The following ATXN1 variants were observed in gnomAD, a reference collection of about 807,000 sequenced individuals.
The protein encoded by ATXN1 is ataxin 1, also known as ataxin-1.
Under a neutral mutation model 56.4 loss-of-function variants are expected in ATXN1, and 8 were observed. That is an observed-to-expected ratio of 0.14 (90% CI 0.08 to 0.26). The LOEUF (loss-of-function observed/expected upper bound fraction) is 0.26. ATXN1 is among the 10% of genes least tolerant of loss of function. ATXN1 has a pLI of 1.00. For missense variants in ATXN1, 987 were observed against 1,106.5 expected (o/e 0.89, Z 1.53); for synonymous variants, 514 against 494.6 (o/e 1.04, Z -0.52).
rs958059698 is a variant in ATXN1, at chr6:16,753,621, G to A, written c.-729-274C>T. Among the ~76,000 whole-genome samples the A allele has an allele frequency of 5.3e-5, 8 of 152,138 alleles. No homozygotes were observed. The South Asian group carries it at 1.0e-3, about 20-fold the overall frequency. ...GATGGTCTCCCCATTTGAGCCAGCC[G>A]CTGTCATTCTTTTCTCCAATGATTC... On this transcript the variant is annotated intron_variant, in intron 1 of 7. Transcript: ENST00000436367.
At chr6:16,662,249 G>A (rs559286506) in intron 2 of ATXN1, among the ~76,000 whole-genome samples, 1 of 152,266 alleles carries the variant, frequency 6.6e-6, no homozygotes, top group African/African-American at 2.4e-5. Context: ...AGGTGTGCAT[G>A]CCTGAAATTT....
chr6:16,672,468 G>A (rs542031004), intron 2 of ATXN1, among the ~76,000 whole-genome samples: 17 of 152,256 alleles, frequency 1.1e-4, no homozygotes, highest in African/African-American at 3.6e-4. Context: ...ACATACCCAC[G>A]TCCTAATCCC....
chr6:16,706,036 C>T (rs1759399238), intron 2 of ATXN1, among the ~76,000 whole-genome samples: 1 of 152,088 alleles, frequency 6.6e-6, no homozygotes, highest in South Asian at 2.1e-4. Context: ...GCCTGCCTCA[C>T]TATGGACCTA....
At chr6:16,470,335 G>GCA (rs1760192922) in intron 6 of ATXN1, among the ~76,000 whole-genome samples, 1 of 152,064 alleles carries the variant, frequency 6.6e-6, no homozygotes, top group East Asian at 1.9e-4. Context: ...GGAGGGTAGA[G>GCA]CATTAGTATT....
At chr6:16,682,214 T>TTTTTTTTTTTTG (rs1561806492) in intron 2 of ATXN1, among the ~76,000 whole-genome samples, 1 of 148,930 alleles carries the variant, frequency 6.7e-6, no homozygotes. Flanking sequence ...TTTTTTTTTT[T>TTTTTTTTTTTTG]GAGATGGAGT....
rs559105328 is a variant in ATXN1, at chr6:16,344,759, T to C, written c.-160-16289A>G. Among the ~76,000 whole-genome samples the C allele has an allele frequency of 2.1e-4, 32 of 152,326 alleles. No individual in the cohort carries two copies. The South Asian group carries it at 6.4e-3, about 31-fold the overall frequency. ...GTGGCCTATTGTAGGACTTGACCTT[T>C]TGATCATGTGAGTCAATATTCCTTA... On this transcript the variant is annotated intron_variant, in intron 6 of 7. Transcript: ENST00000436367.
intron 2 of ATXN1, among the ~76,000 whole-genome samples, chr6:16,706,544 G>A (rs1169334777): frequency 6.6e-6 from 1 of 152,064 alleles, no homozygotes; most frequent in African/African-American, 2.4e-5. Flanking sequence ...CCAACAAGGT[G>A]AAACCCTGTC....
chr6:16,541,846 G>A (rs577850747), intron 4 of ATXN1, among the ~76,000 whole-genome samples: 2 of 152,222 alleles, frequency 1.3e-5, no homozygotes, highest in South Asian at 2.1e-4. Context: ...TCAAAGCTAC[G>A]CAGTGGCACA....
intron 2 of ATXN1, among the ~76,000 whole-genome samples, chr6:16,734,931 G>A (rs2113492229): frequency 6.6e-6 from 1 of 152,254 alleles, no homozygotes; most frequent in African/African-American, 2.4e-5. Flanking sequence ...TTAAAGGAGT[G>A]TTCACTGAAC....
At chr6:16,592,241 A>T (rs1428371058) in intron 3 of ATXN1, among the ~76,000 whole-genome samples, 2 of 152,192 alleles carry the variant, frequency 1.3e-5, no homozygotes, top group Non-Finnish European at 2.9e-5. Context: ...TTCAGTACTC[A>T]AAGCAGCAGA....
Position 16,486,096 on chromosome 6 carries a change from G to T in ATXN1, c.-285C>A, listed in dbSNP as rs535373071. 1 of 152,242 alleles carries T rather than the reference G, an allele frequency of 6.6e-6. No individual in the cohort carries two copies. The highest frequency in any genetic ancestry group is 1.5e-5 in the Non-Finnish European group (1 of 68,036). The allele number at this position is 152,242 out of a possible 1,614,324, so 9.4% of individuals were successfully genotyped here. A position where few individuals can be genotyped will look rare whatever the true frequency, so the allele number is the denominator to read the frequency against. ...GCGTGTTCTTTCTTCCTTTCACAGA[G>T]AAGTGAGAAATACCTAGCATGGAAA... On this transcript the variant is annotated 5_prime_UTR_variant, in exon 6 of 8. Transcript: ENST00000436367.
intron 1 of ATXN1, among the ~76,000 whole-genome samples, chr6:16,758,741 C>T (rs1438114060): frequency 6.6e-6 from 1 of 152,208 alleles, no homozygotes; most frequent in East Asian, 1.9e-4. Context: ...AAAACCTACA[C>T]CACTGACAGG....
intron 4 of ATXN1, among the ~76,000 whole-genome samples, chr6:16,563,755 G>C (rs1762163259): frequency 6.6e-6 from 1 of 152,072 alleles, no homozygotes; most frequent in Non-Finnish European, 1.5e-5. Flanking sequence ...AGCAACTGCA[G>C]GGCAGAGAGA....
At chr6:16,339,095 C>T (rs996919788) in intron 6 of ATXN1, among the ~76,000 whole-genome samples, 1 of 152,144 alleles carries the variant, frequency 6.6e-6, no homozygotes, top group Non-Finnish European at 1.5e-5. Flanking sequence ...ATGCAGAATC[C>T]TCCTTCCACA....
chr6:16,404,232 A>G (rs1758638245), intron 6 of ATXN1, among the ~76,000 whole-genome samples: 1 of 152,230 alleles, frequency 6.6e-6, no homozygotes, highest in Non-Finnish European at 1.5e-5. Context: ...AGGGCCTCTG[A>G]AAAGTATACT....
At chr6:16,439,839 C>T (rs1759477618) in intron 6 of ATXN1, among the ~76,000 whole-genome samples, 1 of 151,800 alleles carries the variant, frequency 6.6e-6, no homozygotes, top group Admixed American at 6.6e-5. Flanking sequence ...TTTTGGGAGG[C>T]TGAAGTGGGC....
chr6:16,467,606 G>C (rs887277898), intron 6 of ATXN1, among the ~76,000 whole-genome samples: 15 of 152,144 alleles, frequency 9.9e-5, no homozygotes, highest in Admixed American at 3.3e-4. Flanking sequence ...CTTGAAATCT[G>C]TTACAATAAG....
At chr6:16,413,116 T>C (rs1420887010) in intron 6 of ATXN1, among the ~76,000 whole-genome samples, 1 of 152,254 alleles carries the variant, frequency 6.6e-6, no homozygotes, top group Non-Finnish European at 1.5e-5. Flanking sequence ...GAGCACTTCG[T>C]TTAAATGTGC....
rs2113765989 is a variant in ATXN1 at position 16,586,505 on chromosome 6, A to C, written c.-488-598T>G. On this transcript the variant is annotated intron_variant, in intron 3 of 7. Coordinates refer to ENST00000436367, the MANE Select transcript of ATXN1 (RefSeq NM_001128164.2). The stretch of plus-strand genomic sequence containing the variant: ...TTTACTATGTTCTGGGCCATGTGCT[A>C]AGGGCTTTACACACATTGCCCCACT... 4.6e-5 allele frequency among the ~76,000 whole-genome samples: 7 copies of C among 152,346 alleles called. No homozygotes were observed. In the South Asian group the frequency reaches 1.4e-3, roughly 32 times the overall value.
Sources: allele counts gnomAD v4.1 joint callset (sites outside exome capture counted in the v4.1 genomes callset), GRCh38; gene constraint gnomAD v4.1.1; transcripts MANE v1.5; gene names NCBI Gene and HGNC (gene_info 2026-07-23, HGNC 2026-07-21).